AKAP13: variants seen among roughly 807,000 people sequenced by gnomAD.
AKAP13 encodes the protein A-kinase anchoring protein 13.
A neutral mutation model predicts 264.5 loss-of-function variants in AKAP13; 80 were observed. The observed-to-expected ratio is 0.30, with a 90% CI of 0.25 to 0.36. The LOEUF (loss-of-function observed/expected upper bound fraction) is 0.36, where lower values mean the gene tolerates loss of function less well. AKAP13 is among the 10% of genes least tolerant of loss of function. AKAP13 has a pLI of 1.00. For missense variants in AKAP13, 3,712 were observed against 3,435.2 expected, an observed-to-expected ratio of 1.08 and a Z score of -2.01; for synonymous variants, 1,380 against 1,250.2, an observed-to-expected ratio of 1.10 and a Z score of -2.19.
At chr15:85,613,712 AT>A (rs1179240403) in intron 8 of AKAP13, among the ~76,000 whole-genome samples, 14 of 124,446 alleles carry the variant, frequency 1.1e-4, no homozygotes, top group East Asian at 2.7e-4. Context: ...ATATATATAT[AT>A]TAGGAGTGCT....
chr15:85,519,835 C>T (rs1232069757), intron 2 of AKAP13, among the ~76,000 whole-genome samples: 1 of 151,958 alleles, frequency 6.6e-6, no homozygotes, highest in Non-Finnish European at 1.5e-5. Flanking sequence ...CTACCTTCTG[C>T]TCAGTTATGC....
At chr15:85,520,930 G>T (rs1473785877) in intron 2 of AKAP13, among the ~76,000 whole-genome samples, 2 of 152,258 alleles carry the variant, frequency 1.3e-5, no homozygotes, top group African/African-American at 2.4e-5. Flanking sequence ...TTCCAGGCAA[G>T]CCTGTTGCTG....
intron 16 of AKAP13, among the ~76,000 whole-genome samples, chr15:85,690,988 TA>T (rs1317748397): frequency 4.6e-5 from 7 of 152,248 alleles, no homozygotes; most frequent in Non-Finnish European, 1.0e-4. Flanking sequence ...TAGCACGTAG[TA>T]ACTGTTCAGA....
chr15:85,703,642 G>C lies in AKAP13; in HGVS notation c.5465-4377G>C, dbSNP rs907058641. Among the ~76,000 whole-genome samples, 3 of 152,252 alleles carry C rather than the reference G, an allele frequency of 2.0e-5. No homozygotes were observed. The South Asian group carries it at 6.2e-4, about 32-fold the overall frequency. The stretch of plus-strand genomic sequence containing the variant: ...GGATCACCTGAGGTTAGGAGTTTGA[G>C]ACCAGCCTGGCCAACATGGCGAAAT... On this transcript the variant is annotated intron_variant, in intron 17 of 36. Transcript: ENST00000394518.
intron 1 of AKAP13, among the ~76,000 whole-genome samples, chr15:85,461,416 C>T (rs187384255): frequency 2.0e-5 from 3 of 152,060 alleles, no homozygotes; most frequent in Admixed American, 6.6e-5. Context: ...GCGCCCGGCC[C>T]GTTATAATTT....
intron 1 of AKAP13, among the ~76,000 whole-genome samples, chr15:85,387,330 C>T (rs982687999): frequency 6.6e-6 from 1 of 151,728 alleles, no homozygotes; most frequent in Non-Finnish European, 1.5e-5. Context: ...AACGAGAGTC[C>T]GTCTTAAAAA....
In AKAP13 at chr15:85,664,767, A is replaced by G. The variant is rs1357779775; in HGVS notation, c.4992+12A>G. On this transcript the variant is annotated intron_variant, in intron 13 of 36. Coordinates refer to ENST00000394518, the MANE Select transcript of AKAP13 (RefSeq NM_007200.5). The stretch of plus-strand genomic sequence containing the variant: ...TGTTTGATCAGCAGGTAAGTCTTAA[A>G]TATGTCTAATTTGGAAAAAATATAT... 1.9e-6 allele frequency: 3 copies of G among 1,600,952 alleles called. No homozygotes were observed. In the African/African-American group the frequency reaches 4.0e-5, roughly 22 times the overall value.
In AKAP13 at chr15:85,745,820, G is replaced by C. The variant is rs1049551318; in HGVS notation, c.*1143G>C. The C allele has an allele frequency of 1.3e-5, 2 of 152,428 alleles. No individual in the cohort carries two copies. The highest frequency in any genetic ancestry group is 3.9e-4 in the East Asian group (2 of 5,188). 9.4% of individuals were successfully genotyped at this position (152,428 alleles called of 1,614,324 possible). A position where few individuals can be genotyped will look rare whatever the true frequency, so the allele number is the denominator to read the frequency against. On this transcript the variant is annotated 3_prime_UTR_variant, in exon 37 of 37. Coordinates refer to ENST00000394518, the MANE Select transcript of AKAP13 (RefSeq NM_007200.5). ...CTGGAGAGGAGCTGGCCCGGAAGGCGTGGTTGTGAAAGCGCCCTTCTTATG... is the reference window on the plus strand; with the variant it reads ...CTGGAGAGGAGCTGGCCCGGAAGGCCTGGTTGTGAAAGCGCCCTTCTTATG...
intron 10 of AKAP13, among the ~76,000 whole-genome samples, chr15:85,652,710 C>T (rs946472610): frequency 1.3e-5 from 2 of 152,142 alleles, no homozygotes; most frequent in African/African-American, 4.8e-5. Context: ...GGCTGCTTTC[C>T]TTCTGTAGGC....
chr15:85,547,685 A>G (rs1379690687), intron 5 of AKAP13, among the ~76,000 whole-genome samples: 1 of 152,186 alleles, frequency 6.6e-6, no homozygotes, highest in Non-Finnish European at 1.5e-5. Context: ...ATATGAATGC[A>G]TTTGTGATCT....
At position 85,580,302 on chromosome 15, in the gene AKAP13, A is replaced by G; in HGVS notation, c.2234A>G (p.Asp745Gly). The change falls in exon 7 of 37, where the codon GAT (aspartate) becomes GGT (glycine). Residue 745 changes from aspartate to glycine, a missense_variant. Coordinates refer to ENST00000394518, the MANE Select transcript of AKAP13 (RefSeq NM_007200.5). ...GTGGATAACAAAGGCCAACGAAAAG[A>G]TGTGAAACTAGATAAACCTTTAACA... The part of the protein sequence containing the change: ...KVVDNKGQRK[D>G]VKLDKPLTNM... 1 of 1,614,224 alleles carries G rather than the reference A, an allele frequency of 6.2e-7. No individual in the cohort carries two copies. The highest frequency in any genetic ancestry group is 1.7e-5 in the Admixed American group (1 of 60,028).
intron 8 of AKAP13, among the ~76,000 whole-genome samples, chr15:85,603,020 T>C: frequency 6.6e-6 from 1 of 152,242 alleles, no homozygotes; most frequent in Non-Finnish European, 1.5e-5. Flanking sequence ...TCCAGAATTT[T>C]CATTTTCATT....
At chr15:85,612,127 A>G (rs1054264927) in intron 8 of AKAP13, among the ~76,000 whole-genome samples, 1 of 152,238 alleles carries the variant, frequency 6.6e-6, no homozygotes, top group Non-Finnish European at 1.5e-5. Context: ...TACAGTCCCA[A>G]TAATGTCACA....
chr15:85,579,629 G>C lies in AKAP13; in HGVS notation c.1561G>C (p.Val521Leu), dbSNP rs140751689. ...SNIGTAGASD[V>L]HVTSKPVDKI... ...TATTGGCACAGCTGGAGCCTCTGAC[G>C]TGCACGTCACAAGTAAGCCTGTGGA... Residue 521 changes from valine to leucine, a missense_variant, in exon 7 of 37, where the codon GTG (valine) becomes CTG (leucine). Val to Leu is a conservative substitution (Grantham distance 32, BLOSUM62 1). Around this residue, in one of 3 missense-constraint regions of AKAP13, gnomAD observed 2,759 missense variants for 2,411.7 expected, o/e 1.14. Coordinates refer to ENST00000394518, the MANE Select transcript of AKAP13 (RefSeq NM_007200.5). The C allele has an allele frequency of 3.1e-6, 5 of 1,614,076 alleles. No individual in the cohort carries two copies. In the African/African-American group the frequency reaches 6.7e-5, roughly 22 times the overall value.
chr15:85,415,856 GAT>G (rs1337709207), intron 1 of AKAP13, among the ~76,000 whole-genome samples: 3 of 152,032 alleles, frequency 2.0e-5, no homozygotes, highest in African/African-American at 7.3e-5. Flanking sequence ...AAAAAAATGA[GAT>G]GTGTATATTG....
chr15:85,631,716 G>A (rs189548116), intron 8 of AKAP13, among the ~76,000 whole-genome samples: 87 of 152,236 alleles, frequency 5.7e-4, no homozygotes, highest in African/African-American at 2.0e-3. Flanking sequence ...AGATGTTAAC[G>A]TTGGAGAAAC....
chr15:85,479,417 GC>G (rs2075283265), intron 1 of AKAP13, among the ~76,000 whole-genome samples: 1 of 152,166 alleles, frequency 6.6e-6, no homozygotes, highest in African/African-American at 2.4e-5. Flanking sequence ...ATTGACTGTA[GC>G]CCAGTCTTAG....
At position 85,735,546 on chromosome 15, in the gene AKAP13, T is replaced by A; in HGVS notation, c.7442-14T>A. ...ACAACTTTAAAAAAAAAAACAACCC[T>A]ATTTTTTGTTTAGGAGGCGAGAAGG... is the stretch of plus-strand genomic sequence containing the variant. On this transcript the variant is annotated splice_polypyrimidine_tract_variant and intron_variant, in intron 31 of 36. Transcript: ENST00000394518. 6.2e-7 allele frequency: 1 copy of A among 1,601,086 alleles called. No homozygotes were observed. The highest frequency in any genetic ancestry group is 1.1e-5 in the South Asian group (1 of 87,434).
chr15:85,414,621 A>G (rs1243894324), intron 1 of AKAP13, among the ~76,000 whole-genome samples: 1 of 152,212 alleles, frequency 6.6e-6, no homozygotes, highest in East Asian at 1.9e-4. Flanking sequence ...GGGAGCTCCA[A>G]AATAAGATAA....
Sources: allele counts gnomAD v4.1 joint callset (sites outside exome capture counted in the v4.1 genomes callset), GRCh38; gene constraint gnomAD v4.1.1; regional missense constraint gnomAD v4.1.1; transcripts MANE v1.5; gene names NCBI Gene and HGNC (gene_info 2026-07-23, HGNC 2026-07-21).